The following UGT1A8 variants were observed in gnomAD, a reference collection of about 807,000 sequenced individuals.
UGT1A8 encodes UDP-glucuronosyltransferase 1A8.
UGT1A8 carries 39 observed loss-of-function variants against 45.3 expected under a neutral mutation model. That is an observed-to-expected ratio of 0.86 (90% CI 0.67 to 1.12). The LOEUF is 1.12. Among genes scored for constraint, UGT1A8 ranks in the 50% most tolerant of loss-of-function variants. The pLI is 0.00. For synonymous variants in UGT1A8, 275 were observed against 249.2 expected (o/e 1.10, Z -0.97); for missense variants, 719 against 664.9 (o/e 1.08, Z -0.90).
chr2:233,750,894 A>C lies in UGT1A8; in HGVS notation c.856-16140A>C, dbSNP rs543579784. 1.2e-3 allele frequency among the ~76,000 whole-genome samples: 186 copies of C among 151,880 alleles called. 5 individuals are homozygous for C. The highest frequency in any genetic ancestry group is 4.3e-3 in the African/African-American group (178 of 41,202). ...TGCATGGATGGAGCCCTTATAGAGAACCTCTGCTAGAGAAGGGTGGTAAAG... is the reference window on the plus strand; with the variant it reads ...TGCATGGATGGAGCCCTTATAGAGACCCTCTGCTAGAGAAGGGTGGTAAAG... On this transcript the variant is annotated intron_variant, in intron 1 of 4. Transcript: ENST00000373450.
intron 3 of UGT1A8, 27 bp downstream of exon 3, chr2:233,767,963 G>A: frequency 1.2e-6 from 2 of 1,614,136 alleles, no homozygotes; most frequent in Non-Finnish European, 1.7e-6. Context: ...GGATGTATAG[G>A]TCAAACCAGG....
chr2:233,729,741 G>A (rs746811742), intron 1 of UGT1A8: 25 of 1,613,946 alleles, frequency 1.5e-5, no homozygotes, highest in South Asian at 3.3e-5. Context: ...CAGACCACAT[G>A]ACATTCATGC....
At position 233,665,943 on chromosome 2, in the gene UGT1A8, G is replaced by T. The variant is rs540344335; in HGVS notation, c.855+47381G>T. 3.3e-5 allele frequency among the ~76,000 whole-genome samples: 5 copies of T among 152,232 alleles called. No individual in the cohort carries two copies. The South Asian group carries it at 1.0e-3, about 32-fold the overall frequency. ...CCAGCTGTTCATACTCACCAACACT[G>T]GATGTCTTAGTCCGTTTGCATTGCG... On this transcript the variant is annotated intron_variant, in intron 1 of 4. Coordinates refer to ENST00000373450, the MANE Select transcript of UGT1A8 (RefSeq NM_019076.5).
intron 1 of UGT1A8, among the ~76,000 whole-genome samples, chr2:233,684,868 A>T (rs1195910758): frequency 6.6e-6 from 1 of 152,194 alleles, no homozygotes; most frequent in East Asian, 1.9e-4. Context: ...TTCTTGTTTC[A>T]TATGGGCAGG....
chr2:233,682,092 G>A, intron 1 of UGT1A8: 1 of 1,614,070 alleles, frequency 6.2e-7, no homozygotes, highest in South Asian at 1.1e-5. Flanking sequence ...ATCCTCAGGG[G>A]GCATGAGGTG....
At chr2:233,656,637 A>T (rs11892031) in intron 1 of UGT1A8, among the ~76,000 whole-genome samples, 119 of 152,208 alleles carry the variant, frequency 7.8e-4, no homozygotes, top group African/African-American at 2.8e-3. Context: ...AAGTCCACTG[A>T]GTCCATCTCA....
chr2:233,628,111 A>G (rs1055419468), intron 1 of UGT1A8, among the ~76,000 whole-genome samples: 2 of 152,088 alleles, frequency 1.3e-5, no homozygotes, highest in African/African-American at 2.4e-5. Context: ...GTTAAGATTT[A>G]ATGCTGCCTC....
intron 1 of UGT1A8, among the ~76,000 whole-genome samples, chr2:233,658,653 G>C (rs1230434642): frequency 1.3e-5 from 2 of 152,140 alleles, no homozygotes; most frequent in East Asian, 3.9e-4. Context: ...GGGGTTATAG[G>C]TTTTAGGAAG....
chr2:233,648,023 G>C (rs1335769710), intron 1 of UGT1A8: 1 of 1,599,394 alleles, frequency 6.3e-7, no homozygotes, highest in South Asian at 1.1e-5. Context: ...CCAGAGGTGA[G>C]TTGGCAACTG....
At chr2:233,654,715 G>T (rs531132636) in intron 1 of UGT1A8, among the ~76,000 whole-genome samples, 2 of 152,328 alleles carry the variant, frequency 1.3e-5, no homozygotes, top group African/African-American at 4.8e-5. Flanking sequence ...TGCTGAGGTG[G>T]TTAGGTAACA....
At chr2:233,744,255 T>C (rs1692752332) in intron 1 of UGT1A8, among the ~76,000 whole-genome samples, 1 of 151,806 alleles carries the variant, frequency 6.6e-6, no homozygotes, top group African/African-American at 2.4e-5. Flanking sequence ...CCTGAAGAAC[T>C]GTTTTTCTTA....
At position 233,721,862 on chromosome 2, in the gene UGT1A8, T is replaced by C. The variant is rs1254741944; in HGVS notation, c.856-45172T>C. Reference sequence around the variant, plus strand: ...TGTGTCCAGCCCCACTGCTCGGCCCTGGGCACACTTGCCAGCCCCTCCATT... The same window carrying C: ...TGTGTCCAGCCCCACTGCTCGGCCCCGGGCACACTTGCCAGCCCCTCCATT... On this transcript the variant is annotated intron_variant, in intron 1 of 4. Coordinates refer to ENST00000373450, the MANE Select transcript of UGT1A8 (RefSeq NM_019076.5). 6 of 506,358 alleles carry C rather than the reference T, an allele frequency of 1.2e-5. No individual in the cohort carries two copies. The Admixed American group carries it at 1.2e-4, about 10-fold the overall frequency. The allele number at this position is 506,358 out of a possible 1,614,324, so 31.4% of individuals were successfully genotyped here.
At chr2:233,652,420 G>A (rs567559627) in intron 1 of UGT1A8, among the ~76,000 whole-genome samples, 53 of 151,842 alleles carry the variant, frequency 3.5e-4, no homozygotes, top group Non-Finnish European at 5.4e-4. Context: ...AATAAATTTT[G>A]GCTATAATTT....
chr2:233,652,353 A>G (rs2073762044), intron 1 of UGT1A8, among the ~76,000 whole-genome samples: 2 of 152,182 alleles, frequency 1.3e-5, no homozygotes, highest in Non-Finnish European at 1.5e-5. Flanking sequence ...GTGTTACATA[A>G]TTTTCAATAT....
At chr2:233,663,770 G>A (rs939228887) in intron 1 of UGT1A8, among the ~76,000 whole-genome samples, 2 of 152,192 alleles carry the variant, frequency 1.3e-5, no homozygotes, top group African/African-American at 4.8e-5. Context: ...GGACAGCTTG[G>A]AGGTTAGAAG....
chr2:233,703,725 A>AC (rs2125593677), intron 1 of UGT1A8, among the ~76,000 whole-genome samples: 1 of 152,128 alleles, frequency 6.6e-6, no homozygotes, highest in East Asian at 1.9e-4. Flanking sequence ...TTAAATATAA[A>AC]CTTTTTTTTG....
Position 233,724,420 on chromosome 2 carries a change from G to C in UGT1A8, c.856-42614G>C, listed in dbSNP as rs1396792043. Among the ~76,000 whole-genome samples the C allele has an allele frequency of 2.2e-5, 3 of 135,560 alleles. 1 individual carries two copies. The highest frequency in any genetic ancestry group is 8.5e-5 in the African/African-American group (3 of 35,170). 88.9% of individuals were successfully genotyped at this position (135,560 alleles called of 152,430 possible). The stretch of plus-strand genomic sequence containing the variant: ...TTCCCAGATGGGGTGGCTGCCGGGC[G>C]GAGAGGCTCCTCACTTCTCAGACAG... On this transcript the variant is annotated intron_variant, in intron 1 of 4. Transcript: ENST00000373450.
intron 4 of UGT1A8, chr2:233,770,700 A>G (rs1353912546): frequency 1.3e-5 from 2 of 152,056 alleles, no homozygotes; most frequent in African/African-American, 4.8e-5. Flanking sequence ...AATTCATCTT[A>G]AGGTTTATGT....
intron 1 of UGT1A8, among the ~76,000 whole-genome samples, chr2:233,664,793 G>A (rs1388830994): frequency 3.3e-5 from 5 of 152,110 alleles, no homozygotes; most frequent in African/African-American, 7.2e-5. Context: ...AAATATCCAA[G>A]CTATAACACT....
Sources: gnomAD v4.1 joint callset for allele counts (sites outside exome capture counted in the v4.1 genomes callset) on GRCh38, gnomAD v4.1.1 for gene constraint, MANE v1.5 for transcripts, NCBI Gene and HGNC (gene_info 2026-07-23, HGNC 2026-07-21) for gene names.